POLD3: variants seen among roughly 807,000 people sequenced by gnomAD.
POLD3 encodes DNA polymerase delta subunit 3.
A neutral mutation model predicts 58.2 loss-of-function variants in POLD3; 19 were observed. The ratio of observed to expected loss-of-function variants is 0.33; its 90% confidence interval spans 0.23 to 0.48. The LOEUF is 0.48. Among genes scored for constraint, POLD3 ranks in the 20% least tolerant of loss-of-function variants. The probability of loss-of-function intolerance (pLI) is 0.99; values close to 1 mark genes in which losing one functional copy is unlikely to be tolerated. For missense variants in POLD3, 504 were observed against 545.5 expected (o/e 0.92, Z 0.76); for synonymous variants, 172 against 193.5 (o/e 0.89, Z 0.92).
intron 4 of POLD3, among the ~76,000 whole-genome samples, chr11:74,662,162 G>A (rs369206506): frequency 4.3e-4 from 65 of 152,316 alleles, no homozygotes; most frequent in African/African-American, 1.3e-3. Context: ...CCAAGAGCCC[G>A]TTTGGTACTG....
Position 74,641,331 on chromosome 11 carries a change from C to T in POLD3, c.*565C>T. The T allele has an allele frequency of 2.0e-6, 2 of 985,418 alleles. No homozygotes were observed. The highest frequency in any genetic ancestry group is 1.2e-6 in the Non-Finnish European group (1 of 829,960). 61.0% of individuals were successfully genotyped at this position (985,418 alleles called of 1,614,324 possible). On this transcript the variant is annotated 3_prime_UTR_variant, in exon 12 of 12. Coordinates refer to ENST00000263681, the MANE Select transcript of POLD3 (RefSeq NM_006591.3). ...TGAAAATCTCCCTGTAATCCTCTTC[C>T]TCCATTATGCAGTACACGGACACCT...
At chr11:74,634,488 T>G in intron 9 of POLD3, 95 bp from the exon 10 acceptor site, 1 of 712,824 alleles carries the variant, frequency 1.4e-6, no homozygotes, top group Non-Finnish European at 2.6e-6. Context: ...CTAAATCCCC[T>G]TTGCTGGACA....
rs369525172 is a variant in POLD3, at chr11:74,634,637, C to T, written c.1061C>T (p.Pro354Leu). 3 of 1,613,574 alleles carry T rather than the reference C, an allele frequency of 1.9e-6. No individual in the cohort carries two copies. The highest frequency in any genetic ancestry group is 1.7e-6 in the Non-Finnish European group (2 of 1,179,534). The stretch of plus-strand genomic sequence containing the variant: ...GCTGAGTCACCATCCCCACCTCCTC[C>T]TCCGTCTCCACCTCTTGAACCAGTG... ...YEAESPSPPP[P>L]PSPPLEPVPK... is the part of the protein sequence containing the mutation. Residue 354 changes from proline to leucine, a missense_variant, in exon 10 of 12, where the codon CCT becomes CTT. Pro to Leu is a moderately conservative substitution (Grantham distance 98, BLOSUM62 -3). Transcript: ENST00000263681.
At chr11:74,667,537 AGGT>A (rs1408043148) in intron 4 of POLD3, among the ~76,000 whole-genome samples, 166 of 152,198 alleles carry the variant, frequency 1.1e-3, no homozygotes, top group African/African-American at 3.4e-3. Flanking sequence ...CTCAAAAAAA[AGGT>A]AAATTTTATG....
chr11:74,594,057 A>G lies in POLD3; in HGVS notation c.61-4A>G, dbSNP rs1180048350. The G allele has an allele frequency of 6.3e-7, 1 of 1,590,172 alleles. No individual in the cohort carries two copies. Among genetic ancestry groups the G allele is most frequent in the South Asian group, 1.1e-5 (1 of 90,430 alleles). The stretch of plus-strand genomic sequence containing the variant: ...AACATTTGAAAAATTTTTTCTTGTT[A>G]CAGGTGACATACAAATGGCTGAGCT... On this transcript the variant is annotated splice_region_variant and splice_polypyrimidine_tract_variant and intron_variant, in intron 1 of 11. Transcript: ENST00000263681.
At chr11:74,593,114 C>T (rs1161076531) in intron 1 of POLD3, 6 of 782,544 alleles carry the variant, frequency 7.7e-6, no homozygotes, top group Non-Finnish European at 3.2e-6. Flanking sequence ...AGTTGCGTAA[C>T]CTCCAGATAC....
At chr11:74,659,231 C>T (rs2033175910) in intron 4 of POLD3, among the ~76,000 whole-genome samples, 1 of 152,228 alleles carries the variant, frequency 6.6e-6, no homozygotes, top group African/African-American at 2.4e-5. Flanking sequence ...TGGCCCCTTT[C>T]AGCCACAGCT....
In POLD3 at chr11:74,640,862, A is replaced by G; in HGVS notation, c.*96A>G. On this transcript the variant is annotated 3_prime_UTR_variant, in exon 12 of 12. Transcript: ENST00000263681. Reference sequence around the variant, plus strand: ...ACTATGTAAGTTCATCTAGATCTCCACCTCACCTGTATCAAAAGACTGTTC... The same window carrying G: ...ACTATGTAAGTTCATCTAGATCTCCGCCTCACCTGTATCAAAAGACTGTTC... 1.5e-6 allele frequency: 2 copies of G among 1,366,770 alleles called. No individual in the cohort carries two copies. The highest frequency in any genetic ancestry group is 2.7e-4 in the Middle Eastern group (1 of 3,644). The allele number at this position is 1,366,770 out of a possible 1,614,324, so 84.7% of individuals were successfully genotyped here. A position where few individuals can be genotyped will look rare whatever the true frequency, so the allele number is the denominator to read the frequency against.
intron 4 of POLD3, among the ~76,000 whole-genome samples, chr11:74,650,958 C>T (rs776988981): frequency 2.0e-5 from 3 of 152,200 alleles, no homozygotes; most frequent in African/African-American, 7.2e-5. Flanking sequence ...TTGTTTACTT[C>T]GGGCAGACAG....
At chr11:74,659,400 A>G (rs182214778) in intron 4 of POLD3, among the ~76,000 whole-genome samples, 166 of 152,246 alleles carry the variant, frequency 1.1e-3, no homozygotes, top group Non-Finnish European at 1.3e-3. Context: ...CATTTTCCCC[A>G]TGGTCTTGGG....
chr11:74,643,987 A>C (rs1446058443), downstream of POLD3, among the ~76,000 whole-genome samples: 7 of 152,206 alleles, frequency 4.6e-5, no homozygotes, highest in Non-Finnish European at 7.3e-5. Context: ...TCTGTAGCAG[A>C]ATCAATTTTT....
At chr11:74,664,620 ATGGATG>A (rs1328075200) in intron 4 of POLD3, among the ~76,000 whole-genome samples, 1 of 149,626 alleles carries the variant, frequency 6.7e-6, no homozygotes, top group Non-Finnish European at 1.5e-5. Flanking sequence ...CCTAATGAAT[ATGGATG>A]CAGAAATCCT....
intron 8 of POLD3, among the ~76,000 whole-genome samples, chr11:74,627,285 T>C (rs2032459720): frequency 6.6e-6 from 1 of 151,940 alleles, no homozygotes; most frequent in African/African-American, 2.4e-5. Flanking sequence ...ACAAAAAAAG[T>C]TTAAAAAGTA....
At chr11:74,647,370 A>G (rs2033012147), downstream of POLD3, among the ~76,000 whole-genome samples, 1 of 152,186 alleles carries the variant, frequency 6.6e-6, no homozygotes, top group South Asian at 2.1e-4. Flanking sequence ...ATGTATTTAT[A>G]TGCTTTACTT....
chr11:74,600,201 C>G (rs902345257), intron 2 of POLD3, among the ~76,000 whole-genome samples: 4 of 152,108 alleles, frequency 2.6e-5, no homozygotes, highest in Non-Finnish European at 5.9e-5. Context: ...GCCTCGGCCT[C>G]CTAACATGCT....
intron 3 of POLD3, 58 bp from the exon 4 acceptor site, chr11:74,611,441 G>A: frequency 9.8e-7 from 1 of 1,017,124 alleles, no homozygotes; most frequent in Non-Finnish European, 1.5e-6. Flanking sequence ...ATTGGAGCAA[G>A]GAAACTAAAA....
intron 4 of POLD3, among the ~76,000 whole-genome samples, chr11:74,649,767 G>T (rs980437657): frequency 1.3e-5 from 2 of 152,142 alleles, no homozygotes; most frequent in African/African-American, 4.8e-5. Context: ...CAGCACTTTG[G>T]GAGACCGAGG....
chr11:74,655,204 A>G (rs911236546), intron 4 of POLD3, among the ~76,000 whole-genome samples: 1 of 152,290 alleles, frequency 6.6e-6, no homozygotes, highest in African/African-American at 2.4e-5. Flanking sequence ...CTGATCAATC[A>G]TTAGCTGACC....
intron 9 of POLD3, among the ~76,000 whole-genome samples, chr11:74,634,126 A>G (rs1356641932): frequency 6.6e-6 from 1 of 152,218 alleles, no homozygotes; most frequent in Non-Finnish European, 1.5e-5. Flanking sequence ...AGGCTGTAGA[A>G]TTGGATTGAC....
Sources: gnomAD v4.1 joint callset for allele counts (sites outside exome capture counted in the v4.1 genomes callset) on GRCh38, gnomAD v4.1.1 for gene constraint, MANE v1.5 for transcripts, NCBI Gene and HGNC (gene_info 2026-07-23, HGNC 2026-07-21) for gene names.